Variants in ALOX5 observed in about 807,000 individuals in gnomAD.
ALOX5 encodes arachidonate 5-lipoxygenase, also known as polyunsaturated fatty acid 5-lipoxygenase.
A neutral mutation model predicts 87.9 loss-of-function variants in ALOX5; 64 were observed. The ratio of observed to expected loss-of-function variants is 0.73; its 90% confidence interval spans 0.60 to 0.90. The LOEUF (loss-of-function observed/expected upper bound fraction) is 0.90. Ranked by LOEUF, ALOX5 falls within the 40% of genes least tolerant of loss-of-function variation. The pLI is 0.00. For synonymous variants in ALOX5, 388 were observed against 355.1 expected (o/e 1.09, Z -1.04); for missense variants, 822 against 907.5 (o/e 0.91, Z 1.21).
Position 45,445,933 on chromosome 10 carries a change from A to T in ALOX5, c.*246A>T, listed in dbSNP as rs1842432788. ...TGTCCACACCCAGCTCAGCATTTCC[A>T]CACCAAGCAGCAACAGCAAATCACG... On this transcript the variant is annotated 3_prime_UTR_variant, in exon 14 of 14. Transcript: ENST00000374391. 1 of 434,458 alleles carries T rather than the reference A, an allele frequency of 2.3e-6. No individual in the cohort carries two copies. The highest frequency in any genetic ancestry group is 2.0e-5 in the African/African-American group (1 of 50,430). The allele number at this position is 434,458 out of a possible 1,614,324, so 26.9% of individuals were successfully genotyped here.
intron 1 of ALOX5, among the ~76,000 whole-genome samples, chr10:45,377,393 C>T (rs922982965): frequency 2.0e-5 from 3 of 151,606 alleles, no homozygotes; most frequent in Non-Finnish European, 4.4e-5. Context: ...AAATGCCCCC[C>T]GTTTCTGCTC....
At chr10:45,390,610 GA>G (rs1244884374) in intron 2 of ALOX5, among the ~76,000 whole-genome samples, 1 of 152,210 alleles carries the variant, frequency 6.6e-6, no homozygotes, top group Non-Finnish European at 1.5e-5. Context: ...ATAACGAAAT[GA>G]AGGCAGAAAT....
At chr10:45,382,714 T>C in intron 2 of ALOX5, 33 bp downstream of exon 2, 5 of 1,591,006 alleles carry the variant, frequency 3.1e-6, no homozygotes, top group Non-Finnish European at 4.3e-6. Context: ...GCCCCGGGCT[T>C]CCCAAGAACC....
chr10:45,376,700 TC>T (rs1291422805), intron 1 of ALOX5, among the ~76,000 whole-genome samples: 1 of 152,172 alleles, frequency 6.6e-6, no homozygotes, highest in Non-Finnish European at 1.5e-5. Context: ...AACACCCCCC[TC>T]CTCCAGGGCA....
At chr10:45,392,873 G>C (rs527635310) in intron 2 of ALOX5, among the ~76,000 whole-genome samples, 6 of 151,980 alleles carry the variant, frequency 3.9e-5, no homozygotes, top group African/African-American at 1.2e-4. Flanking sequence ...TAAATTCCTC[G>C]ACACATACAC....
chr10:45,407,918 G>A (rs1238852131), intron 3 of ALOX5, among the ~76,000 whole-genome samples: 1 of 152,140 alleles, frequency 6.6e-6, no homozygotes, highest in Non-Finnish European at 1.5e-5. Context: ...GGAACCAAAA[G>A]GGGGAGGCAG....
intron 2 of ALOX5, among the ~76,000 whole-genome samples, chr10:45,383,231 TGAAA>T (rs1338966049): frequency 6.6e-6 from 1 of 152,240 alleles, no homozygotes; most frequent in Non-Finnish European, 1.5e-5. Flanking sequence ...CACCTTTCGC[TGAAA>T]GAAAGAAGAA....
chr10:45,399,406 T>C (rs915028762), intron 3 of ALOX5, among the ~76,000 whole-genome samples: 1 of 152,210 alleles, frequency 6.6e-6, no homozygotes, highest in African/African-American at 2.4e-5. Flanking sequence ...ATACTAAACA[T>C]CCTTGAATTG....
intron 7 of ALOX5, among the ~76,000 whole-genome samples, chr10:45,434,870 G>T (rs749217482): frequency 1.3e-5 from 2 of 152,212 alleles, no homozygotes; most frequent in African/African-American, 2.4e-5. Context: ...CCCAGAATTT[G>T]GTGGTTATCC....
At chr10:45,445,231 T>G (rs915586092) in intron 13 of ALOX5, among the ~76,000 whole-genome samples, 2 of 152,244 alleles carry the variant, frequency 1.3e-5, no homozygotes, top group Non-Finnish European at 2.9e-5. Context: ...CAGCTTCATC[T>G]GCATCATCTC....
At chr10:45,401,035 A>G (rs1427149580) in intron 3 of ALOX5, among the ~76,000 whole-genome samples, 1 of 152,262 alleles carries the variant, frequency 6.6e-6, no homozygotes, top group Non-Finnish European at 1.5e-5. Flanking sequence ...GATGGGCTGT[A>G]TCCAGCCTCT....
intron 4 of ALOX5, among the ~76,000 whole-genome samples, chr10:45,414,945 G>C (rs1299205619): frequency 2.6e-5 from 4 of 152,244 alleles, no homozygotes; most frequent in South Asian, 2.1e-4. Flanking sequence ...ACAGGTGCTG[G>C]AGAGGATGTG....
At chr10:45,387,001 T>C (rs1180211964) in intron 2 of ALOX5, among the ~76,000 whole-genome samples, 1 of 152,200 alleles carries the variant, frequency 6.6e-6, no homozygotes, top group Non-Finnish European at 1.5e-5. Flanking sequence ...AGGCCAGTGA[T>C]GACTATAGGC....
At chr10:45,442,586 C>T (rs1842271957) in intron 9 of ALOX5, 1 of 160,780 alleles carries the variant, frequency 6.2e-6, no homozygotes, top group Non-Finnish European at 1.3e-5. Flanking sequence ...CCTTGTGGGT[C>T]TCTCCAGCCC....
At chr10:45,439,415 G>C (rs984405238) in intron 7 of ALOX5, among the ~76,000 whole-genome samples, 4 of 152,174 alleles carry the variant, frequency 2.6e-5, no homozygotes, top group African/African-American at 9.7e-5. Flanking sequence ...GCCCCTTCCT[G>C]GCCGCTCTTG....
chr10:45,441,643 A>C, intron 9 of ALOX5: 1 of 511,592 alleles, frequency 2.0e-6, no homozygotes, highest in South Asian at 3.1e-5. Context: ...CTTCCTTCTC[A>C]CTGATGGCTC....
At chr10:45,388,871 G>T (rs1458579320) in intron 2 of ALOX5, among the ~76,000 whole-genome samples, 1 of 152,234 alleles carries the variant, frequency 6.6e-6, no homozygotes, top group East Asian at 1.9e-4. Context: ...AGAGAAGAAG[G>T]CTTCAGATGA....
At chr10:45,405,763 G>A (rs1464276309) in intron 3 of ALOX5, among the ~76,000 whole-genome samples, 1 of 145,068 alleles carries the variant, frequency 6.9e-6, no homozygotes, top group East Asian at 2.0e-4. Flanking sequence ...TTGAGACAGA[G>A]TCTTGCTCTG....
intron 7 of ALOX5, 115 bp downstream of exon 7, chr10:45,428,879 G>A: frequency 7.3e-7 from 1 of 1,375,810 alleles, no homozygotes; most frequent in East Asian, 2.3e-5. Flanking sequence ...AGACACTAGG[G>A]CTTCCTGCAG....
Sources: gnomAD v4.1 joint callset for allele counts (sites outside exome capture counted in the v4.1 genomes callset) on GRCh38, gnomAD v4.1.1 for gene constraint, MANE v1.5 for transcripts, NCBI Gene and HGNC (gene_info 2026-07-23, HGNC 2026-07-21) for gene names.